MFAP2: variants seen among roughly 807,000 people sequenced by gnomAD.
MFAP2 encodes the protein microfibril associated protein 2.
MFAP2 carries 23 observed loss-of-function variants against 30.6 expected under a neutral mutation model. The ratio of observed to expected loss-of-function variants is 0.75; its 90% confidence interval spans 0.54 to 1.07. The LOEUF (loss-of-function observed/expected upper bound fraction) is 1.07. MFAP2 is among the 50% of genes least tolerant of loss of function. The pLI, the probability that MFAP2 is intolerant of heterozygous loss-of-function variation, is 0.00. For synonymous variants in MFAP2, 73 were observed against 85.7 expected (o/e 0.85, Z 0.82); for missense variants, 198 against 223.8 (o/e 0.88, Z 0.74).
intron 1 of MFAP2, among the ~76,000 whole-genome samples, chr1:16,980,221 ATC>A (rs2076626145): frequency 6.8e-6 from 1 of 148,090 alleles, no homozygotes. Flanking sequence ...CCCGTCTCTG[ATC>A]TCTCTTTGTC....
upstream of MFAP2, among the ~76,000 whole-genome samples, chr1:16,981,355 A>G (rs765085008): frequency 9.9e-5 from 15 of 152,164 alleles, no homozygotes; most frequent in Non-Finnish European, 2.1e-4. Flanking sequence ...ATCAGCTTCA[A>G]CAAGCATCCA....
chr1:16,975,628 C>G lies in MFAP2; in HGVS notation c.374+15G>C. ...TGCTCCGGAATCCTCCCGACAGCTG[C>G]CCATCTGTGCTCACCTGTAGAAGCA... On this transcript the variant is annotated intron_variant, in intron 7 of 8. Transcript: ENST00000375535. This position sits in a 1 kb window ranked among gnomAD's most constrained non-coding sequence, Gnocchi z 5.0. 6.2e-7 allele frequency: 1 copy of G among 1,612,662 alleles called. No individual in the cohort carries two copies. Among genetic ancestry groups the G allele is most frequent in the Non-Finnish European group, 8.5e-7 (1 of 1,178,846 alleles).
At chr1:16,981,311 C>T (rs1331835213), upstream of MFAP2, among the ~76,000 whole-genome samples, 2 of 152,218 alleles carry the variant, frequency 1.3e-5, no homozygotes, top group Non-Finnish European at 2.9e-5. Context: ...AGCCCTGACC[C>T]AGCCTATGTG....
chr1:16,977,550 G>GAT (rs2076603690), intron 2 of MFAP2: 1 of 238,806 alleles, frequency 4.2e-6, no homozygotes, highest in Non-Finnish European at 8.1e-6. Flanking sequence ...GCTGTGCCAA[G>GAT]ATGCCGCCCC....
chr1:16,977,083 C>A (rs1481913531), intron 3 of MFAP2, 26 bp downstream of exon 3: 2 of 1,613,460 alleles, frequency 1.2e-6, no homozygotes, highest in Non-Finnish European at 1.7e-6. Flanking sequence ...AGCAGCCAGG[C>A]CTCGGTGACC....
intron 1 of MFAP2, chr1:16,978,978 G>A (rs186021440): frequency 2.0e-5 from 3 of 152,352 alleles, no homozygotes; most frequent in Admixed American, 1.3e-4. Flanking sequence ...ACAGGCTCAC[G>A]AGACCCGGGC....
At chr1:16,977,042 G>A (rs922196602) in intron 3 of MFAP2, 67 bp downstream of exon 3, 30 of 1,612,162 alleles carry the variant, frequency 1.9e-5, no homozygotes, top group South Asian at 2.2e-5. Context: ...AGCGTGTCCA[G>A]TGCGGTCCCT....
upstream of MFAP2, among the ~76,000 whole-genome samples, chr1:16,981,092 A>C (rs951461261): frequency 2.0e-5 from 3 of 151,748 alleles, no homozygotes; most frequent in African/African-American, 7.3e-5. Flanking sequence ...CCTCTCCTAC[A>C]CTGCTGAGCT....
At position 16,975,672 on chromosome 1, in the gene MFAP2, T is replaced by G. The variant is rs756947183; in HGVS notation, c.345A>C (p.Lys115Asn). 13 of 1,613,910 alleles carry G rather than the reference T, an allele frequency of 8.1e-6. No homozygotes were observed. Among genetic ancestry groups the G allele is most frequent in the Non-Finnish European group, 1.7e-6 (2 of 1,179,964 alleles). Residue 115 changes from lysine to asparagine, a missense_variant, in exon 7 of 9, where the codon AAA becomes AAC. Transcript: ENST00000375535. This position sits in a 1 kb window ranked among gnomAD's most constrained non-coding sequence, Gnocchi z 5.0. ...AGAAGCAGACCTCGTTGAGACACTG[T>G]TTGCAAGGCCTGTGTATGGAGTAGA... ...TRLYSIHRPCKQCLNEVCFYS... is the reference protein window; with the variant it reads ...TRLYSIHRPCNQCLNEVCFYS...
chr1:16,978,225 G>A lies in MFAP2; in HGVS notation c.37+12C>T, dbSNP rs2076609309. 1.9e-6 allele frequency: 3 copies of A among 1,568,122 alleles called. No individual in the cohort carries two copies. The East Asian group carries it at 6.9e-5, about 36-fold the overall frequency. ...ATAAGAGGAGCTACCCCCTGCCCCA[G>A]GAGCCACTTACCAGGCAGGAATAGC... On this transcript the variant is annotated intron_variant, in intron 2 of 8. Coordinates refer to ENST00000375535, the MANE Select transcript of MFAP2 (RefSeq NM_002403.4).
chr1:16,980,267 A>ACACCCCCCCCCCCCCCCCCCC (rs1557656639), intron 1 of MFAP2, among the ~76,000 whole-genome samples: 1 of 80,296 alleles, frequency 1.2e-5, no homozygotes, highest in Non-Finnish European at 2.3e-5. Flanking sequence ...TTCCCACCGG[A>ACACCCCCCCCCCCCCCCCCCC]CCCCCCCCCC....
In MFAP2 at chr1:16,975,715, T is replaced by C; in HGVS notation, c.302A>G (p.Gln101Arg). ...EPGPLDCREEQYPCTRLYSIH... is the reference protein window; with the variant it reads ...EPGPLDCREERYPCTRLYSIH... ...GGAGTAGAGGCGGGTGCACGGGTAC[T>C]GTTCCTCACGGCAGTCTGGTGACAG... The change falls in exon 7 of 9, where the codon CAG becomes CGG. Residue 101 changes from glutamine (Q) to arginine (R), a missense_variant. Transcript: ENST00000375535. The surrounding 1 kb of genome is among the most constrained non-coding windows in gnomAD (Gnocchi z 5.0). 6.2e-7 allele frequency: 1 copy of C among 1,613,432 alleles called. No individual in the cohort carries two copies. Among genetic ancestry groups the C allele is most frequent in the Non-Finnish European group, 8.5e-7 (1 of 1,179,710 alleles).
chr1:16,975,725 G>C lies in MFAP2; in HGVS notation c.292C>G (p.Arg98Gly). The C allele has an allele frequency of 6.2e-7, 1 of 1,613,014 alleles. No individual in the cohort carries two copies. Residue 98 changes from arginine to glycine, a missense_variant, in exon 7 of 9, where the codon CGT becomes GGT. Transcript: ENST00000375535. This position sits in a 1 kb window ranked among gnomAD's most constrained non-coding sequence, Gnocchi z 5.0. ...EPTEPGPLDC[R>G]EEQYPCTRLY... ...CGGGTGCACGGGTACTGTTCCTCAC[G>C]GCAGTCTGGTGACAGGTGGGGTCAG... is the stretch of plus-strand genomic sequence containing the variant.
chr1:16,976,351 T>G lies in MFAP2; in HGVS notation c.286+150A>C, dbSNP rs2076591348. ...TCCTGGAGCTGCCTGGGGGGCCTGG[T>G]GATGCCAGCCTACGGCAGTCATACT... On this transcript the variant is annotated intron_variant, in intron 6 of 8. Coordinates refer to ENST00000375535, the MANE Select transcript of MFAP2 (RefSeq NM_002403.4). The surrounding 1 kb of genome is among the most constrained non-coding windows in gnomAD (Gnocchi z 5.5). 3.0e-6 allele frequency: 3 copies of G among 985,356 alleles called. No individual in the cohort carries two copies. In the Admixed American group the frequency reaches 5.6e-5, roughly 18 times the overall value. 61.0% of individuals were successfully genotyped at this position (985,356 alleles called of 1,614,324 possible).
intron 1 of MFAP2, 27 bp from the exon 2 acceptor site, chr1:16,978,341 T>G: frequency 7.7e-5 from 116 of 1,514,446 alleles, no homozygotes; most frequent in Middle Eastern, 1.8e-4. Flanking sequence ...GGGAGAGCTC[T>G]ACCCAGGGCC....
chr1:16,975,460 A>G lies in MFAP2; in HGVS notation c.375-118T>C, dbSNP rs964948933. 1 of 1,049,462 alleles carries G rather than the reference A, an allele frequency of 9.5e-7. No homozygotes were observed. Among genetic ancestry groups the G allele is most frequent in the African/African-American group, 1.9e-5 (1 of 53,192 alleles). 65.0% of individuals were successfully genotyped at this position (1,049,462 alleles called of 1,614,324 possible). On this transcript the variant is annotated intron_variant, in intron 7 of 8. Coordinates refer to ENST00000375535, the MANE Select transcript of MFAP2 (RefSeq NM_002403.4). The surrounding 1 kb of genome is among the most constrained non-coding windows in gnomAD (Gnocchi z 5.0). ...AACCTGGCACGGGAGCCCGGACAGA[A>G]CCTGGCACTGGAGCCCAGGAGTGGA...
rs201495590 is a variant in MFAP2, at chr1:16,977,218, G to A, written c.38-20C>T. ...AGCCTGCTGTGGGGAGGCAAAGCAT[G>A]TAGGGTACCCCATCGGGAGGGGCAA... On this transcript the variant is annotated intron_variant, in intron 2 of 8. Transcript: ENST00000375535. 1.9e-6 allele frequency: 3 copies of A among 1,611,488 alleles called. No homozygotes were observed. In the East Asian group the frequency reaches 6.7e-5, roughly 36 times the overall value.
rs773885669 is a variant in MFAP2, at chr1:16,976,846, G to T, written c.154+51C>A. 54 of 1,613,900 alleles carry T rather than the reference G, an allele frequency of 3.3e-5. No individual in the cohort carries two copies. Among genetic ancestry groups the T allele is most frequent in the Non-Finnish European group, 3.4e-5 (40 of 1,179,976 alleles). ...CTGCTCCCTCTACCCCTCCCAGGGG[G>T]TCTCCCCACCCCAGCTGCCGGCCCG... On this transcript the variant is annotated intron_variant, in intron 4 of 8. Coordinates refer to ENST00000375535, the MANE Select transcript of MFAP2 (RefSeq NM_002403.4). This position sits in a 1 kb window ranked among gnomAD's most constrained non-coding sequence, Gnocchi z 5.5.
Position 16,976,286 on chromosome 1 carries a change from AT to A in MFAP2, c.286+214del. The A allele has an allele frequency of 1.6e-6, 1 of 628,014 alleles. No individual in the cohort carries two copies. The highest frequency in any genetic ancestry group is 2.8e-6 in the Non-Finnish European group (1 of 356,546). 38.9% of individuals were successfully genotyped at this position (628,014 alleles called of 1,614,324 possible). ...GGTCAGGGGCCTTCCTAGGCTGCCA[AT>A]TTAGCCTCCAGCCAGGCACACTGGG... is the stretch of plus-strand genomic sequence containing the variant. On this transcript the variant is annotated intron_variant, in intron 6 of 8. Transcript: ENST00000375535. The surrounding 1 kb of genome is among the most constrained non-coding windows in gnomAD (Gnocchi z 5.5).
Sources: gnomAD v4.1 joint callset for allele counts (sites outside exome capture counted in the v4.1 genomes callset) on GRCh38, gnomAD v4.1.1 for gene constraint, Gnocchi (gnomAD v3.1) non-coding constraint, MANE v1.5 for transcripts, NCBI Gene and HGNC (gene_info 2026-07-23, HGNC 2026-07-21) for gene names.